The following C16orf54 variants were observed in gnomAD, a reference collection of about 807,000 sequenced individuals.
C16orf54 encodes the protein chromosome 16 open reading frame 54.
C16orf54 carries 2 observed loss-of-function variants against 3.9 expected under a neutral mutation model. That is an observed-to-expected ratio of 0.52 (90% CI 0.21 to 1.63). The LOEUF (loss-of-function observed/expected upper bound fraction) is 1.63. C16orf54 is among the 40% of genes most tolerant of loss of function. The pLI is 0.21. For synonymous variants in C16orf54, 128 were observed against 135.1 expected (o/e 0.95, Z 0.37); for missense variants, 272 against 326.3 (o/e 0.83, Z 1.28).
At chr16:29,745,749 G>C (rs548460132) in intron 1 of C16orf54, among the ~76,000 whole-genome samples, 162 bp downstream of exon 1, 1 of 151,892 alleles carries the variant, frequency 6.6e-6, no homozygotes, top group Non-Finnish European at 1.5e-5. Flanking sequence ...ATCTGCTGCC[G>C]GGCCGGGCCG....
rs1251571319 is a variant in C16orf54 at position 29,744,549 on chromosome 16, T to G, written c.403A>C (p.Ser135Arg). 1.8e-5 allele frequency: 27 copies of G among 1,495,132 alleles called. No individual in the cohort carries two copies. The highest frequency in any genetic ancestry group is 2.3e-5 in the Non-Finnish European group (26 of 1,123,294). 92.6% of individuals were successfully genotyped at this position (1,495,132 alleles called of 1,614,324 possible). The change falls in exon 2 of 2, where the codon AGC becomes CGC. Residue 135 changes from serine (S) to arginine (R), a missense_variant. Transcript: ENST00000329410. This position sits in a 1 kb window ranked among gnomAD's most constrained non-coding sequence, Gnocchi z 7.1. ...PAPSAPNSAP[S>R]NLGPQTVLEV... The stretch of plus-strand genomic sequence containing the variant: ...AGTACGGTCTGGGGGCCCAAGTTGC[T>G]GGGAGCAGAATTTGGGGCTGAGGGG...
In C16orf54 at chr16:29,744,297, G is replaced by A. The variant is rs774614027; in HGVS notation, c.655C>T (p.Arg219Trp). 6.2e-6 allele frequency: 10 copies of A among 1,612,928 alleles called. No individual in the cohort carries two copies. The highest frequency in any genetic ancestry group is 2.7e-5 in the African/African-American group (2 of 75,056). Reference sequence around the variant, plus strand: ...GGGATTCAGAACCCCACACTGGTCCGGCCTTCACGCTTCCAGAAAGCTGAG... The same window carrying A: ...GGGATTCAGAACCCCACACTGGTCCAGCCTTCACGCTTCCAGAAAGCTGAG... ...QISAFWKREG[R>W]TSVGF Residue 219 changes from arginine (R) to tryptophan (W), a missense_variant, in exon 2 of 2, where the codon CGG (arginine) becomes TGG (tryptophan). Coordinates refer to ENST00000329410, the MANE Select transcript of C16orf54 (RefSeq NM_175900.4). The surrounding 1 kb of genome is among the most constrained non-coding windows in gnomAD (Gnocchi z 7.1).
At chr16:29,745,047 G>A (rs1342983130) in intron 1 of C16orf54, 96 bp from the exon 2 acceptor site, 5 of 1,256,026 alleles carry the variant, frequency 4.0e-6, no homozygotes, top group Non-Finnish European at 4.1e-6. Context: ...AAGCCTGGGA[G>A]AAGGGCTGGG....
chr16:29,744,493 C>A lies in C16orf54; in HGVS notation c.459G>T (p.Gly153=), dbSNP rs764532004. The A allele has an allele frequency of 9.1e-6, 14 of 1,542,912 alleles. No homozygotes were observed. The highest frequency in any genetic ancestry group is 7.2e-5 in the South Asian group (6 of 83,640). Residue 153 remains glycine, a synonymous_variant, in exon 2 of 2, where the codon GGG becomes GGT. Coordinates refer to ENST00000329410, the MANE Select transcript of C16orf54 (RefSeq NM_175900.4). This position sits in a 1 kb window ranked among gnomAD's most constrained non-coding sequence, Gnocchi z 7.1. ...LEVPARSTFW[G]PQPWEGRPPA... ...GGGGCCTCCCCTCCCAGGGCTGGGG[C>A]CCCCAGAAGGTGCTCCGGGCTGGGA... is the stretch of plus-strand genomic sequence containing the variant.
chr16:29,745,745 T>TGCCGGGCCGG (rs551766880), intron 1 of C16orf54, among the ~76,000 whole-genome samples, 166 bp downstream of exon 1: 2 of 152,208 alleles, frequency 1.3e-5, no homozygotes, highest in South Asian at 4.2e-4. Flanking sequence ...CGGAATCTGC[T>TGCCGGGCCGG]GCCGGGCCGG....
chr16:29,745,758 C>T (rs1408109655), intron 1 of C16orf54, among the ~76,000 whole-genome samples, 153 bp downstream of exon 1: 1 of 152,124 alleles, frequency 6.6e-6, no homozygotes, highest in Admixed American at 6.5e-5. Flanking sequence ...CGGGCCGGGC[C>T]GGGCCAGGCC....
rs931587528 is a variant in C16orf54, at chr16:29,742,708, ACT to A, written c.*1567_*1568del. On this transcript the variant is annotated 3_prime_UTR_variant, in exon 2 of 2. Coordinates refer to ENST00000329410, the MANE Select transcript of C16orf54 (RefSeq NM_175900.4). ...GGTGGCTCATGGCTGTAATCCCAAC[ACT>A]CTGAGAGATGGGGATGAGTGGCTCT... is the stretch of plus-strand genomic sequence containing the variant. The A allele has an allele frequency of 6.6e-6, 1 of 151,566 alleles. No homozygotes were observed. The highest frequency in any genetic ancestry group is 1.5e-5 in the Non-Finnish European group (1 of 67,920). 9.4% of individuals were successfully genotyped at this position (151,566 alleles called of 1,614,324 possible).
In C16orf54 at chr16:29,742,577, TGA is replaced by T. The variant is rs1465784751; in HGVS notation, c.*1698_*1699del. ...TTCCTGTTGCAATAATTTCATTAAG[TGA>T]ATAATGAGCCAATTTAAAGAAAAAT... On this transcript the variant is annotated 3_prime_UTR_variant, in exon 2 of 2. Coordinates refer to ENST00000329410, the MANE Select transcript of C16orf54 (RefSeq NM_175900.4). The T allele has an allele frequency of 6.6e-6, 1 of 152,208 alleles. No homozygotes were observed. Among genetic ancestry groups the T allele is most frequent in the African/African-American group, 2.4e-5 (1 of 41,442 alleles). 9.4% of individuals were successfully genotyped at this position (152,208 alleles called of 1,614,324 possible).
chr16:29,743,074 G>C lies in C16orf54; in HGVS notation c.*1203C>G, dbSNP rs1462991855. The C allele has an allele frequency of 6.6e-6, 1 of 151,568 alleles. No individual in the cohort carries two copies. Among genetic ancestry groups the C allele is most frequent in the Non-Finnish European group, 1.5e-5 (1 of 67,934 alleles). The allele number at this position is 151,568 out of a possible 1,614,324, so 9.4% of individuals were successfully genotyped here. ...CCTGCCCAGGCAGTATGGTGAGACC[G>C]TGTCTCTACAAAAAAAATACAAAAA... On this transcript the variant is annotated 3_prime_UTR_variant, in exon 2 of 2. Transcript: ENST00000329410.
chr16:29,744,399 G>T lies in C16orf54; in HGVS notation c.553C>A (p.Pro185Thr). ...CCTGGCCGCTGCCTCCTGGCCTGGG[G>T]GCTCCCAAACTGGACGCTGGCCTCT... ...RPEASVQFGS[P>T]QARRQRPGSP... is the part of the protein sequence containing the mutation. Residue 185 changes from proline to threonine, a missense_variant, in exon 2 of 2, where the codon CCC becomes ACC. Pro to Thr is a conservative substitution (Grantham distance 38). Coordinates refer to ENST00000329410, the MANE Select transcript of C16orf54 (RefSeq NM_175900.4). This position sits in a 1 kb window ranked among gnomAD's most constrained non-coding sequence, Gnocchi z 7.1. 1 of 1,602,886 alleles carries T rather than the reference G, an allele frequency of 6.2e-7. No homozygotes were observed. Among genetic ancestry groups the T allele is most frequent in the East Asian group, 2.2e-5 (1 of 44,476 alleles).
In C16orf54 at chr16:29,744,232, C is replaced by A. The variant is rs1968104979; in HGVS notation, c.*45G>T. On this transcript the variant is annotated 3_prime_UTR_variant, in exon 2 of 2. Coordinates refer to ENST00000329410, the MANE Select transcript of C16orf54 (RefSeq NM_175900.4). This position sits in a 1 kb window ranked among gnomAD's most constrained non-coding sequence, Gnocchi z 7.1. The stretch of plus-strand genomic sequence containing the variant: ...CTGGATCCTGGGGTCCCCGGTCCCA[C>A]TGAGGCAAGGCCTGCCTCGGGGATC... The A allele has an allele frequency of 6.4e-7, 1 of 1,569,556 alleles. No individual in the cohort carries two copies. Among genetic ancestry groups the A allele is most frequent in the Non-Finnish European group, 8.7e-7 (1 of 1,146,528 alleles).
rs1411151853 is a variant in C16orf54 at position 29,744,832 on chromosome 16, G to T, written c.120C>A (p.Thr40=). ...PCIPIMLVLA[T]LAALFILTTA... ...TGGTGAGGATGAAGAGCGCAGCCAG[G>T]GTGGCCAGGACCAGCATGATGGGGA... The change falls in exon 2 of 2, where the codon ACC becomes ACA. Residue 40 remains threonine, a synonymous_variant. Coordinates refer to ENST00000329410, the MANE Select transcript of C16orf54 (RefSeq NM_175900.4). This position sits in a 1 kb window ranked among gnomAD's most constrained non-coding sequence, Gnocchi z 7.1. 13 of 1,479,420 alleles carry T rather than the reference G, an allele frequency of 8.8e-6. No homozygotes were observed. The highest frequency in any genetic ancestry group is 1.4e-5 in the African/African-American group (1 of 70,030). 91.6% of individuals were successfully genotyped at this position (1,479,420 alleles called of 1,614,324 possible). A position where few individuals can be genotyped will look rare whatever the true frequency, so the allele number is the denominator to read the frequency against.
Position 29,744,246 on chromosome 16 carries a change from G to A in C16orf54, c.*31C>T. The A allele has an allele frequency of 3.1e-6, 5 of 1,596,370 alleles. No individual in the cohort carries two copies. Among genetic ancestry groups the A allele is most frequent in the Non-Finnish European group, 4.3e-6 (5 of 1,166,960 alleles). ...CCCCGGTCCCACTGAGGCAAGGCCT[G>A]CCTCGGGGATCTCTGGGGAACCCTG... On this transcript the variant is annotated 3_prime_UTR_variant, in exon 2 of 2. Transcript: ENST00000329410. The surrounding 1 kb of genome is among the most constrained non-coding windows in gnomAD (Gnocchi z 7.1).
At position 29,744,572 on chromosome 16, in the gene C16orf54, G is replaced by A. The variant is rs1464839032; in HGVS notation, c.380C>T (p.Pro127Leu). The A allele has an allele frequency of 6.8e-7, 1 of 1,476,104 alleles. No individual in the cohort carries two copies. 91.4% of individuals were successfully genotyped at this position (1,476,104 alleles called of 1,614,324 possible). ...GCTGGGAGCAGAATTTGGGGCTGAG[G>A]GGGCAGGTGGGGCTGTTGCTCGGGC... ...LEARATAPPA[P>L]SAPNSAPSNL... Residue 127 changes from proline (P) to leucine (L), a missense_variant, in exon 2 of 2, where the codon CCC becomes CTC. By Grantham distance (98) the Pro-to-Leu change is moderately conservative. Transcript: ENST00000329410. The surrounding 1 kb of genome is among the most constrained non-coding windows in gnomAD (Gnocchi z 7.1).
rs369694968 is a variant in C16orf54 at position 29,744,798 on chromosome 16, A to G, written c.154T>C (p.Leu52=). 2.7e-6 allele frequency: 4 copies of G among 1,471,212 alleles called. No individual in the cohort carries two copies. Among genetic ancestry groups the G allele is most frequent in the African/African-American group, 1.4e-5 (1 of 70,272 alleles). 91.1% of individuals were successfully genotyped at this position (1,471,212 alleles called of 1,614,324 possible). A position where few individuals can be genotyped will look rare whatever the true frequency, so the allele number is the denominator to read the frequency against. ...AALFILTTAV[L]AERLFRRALR... ...GCACGGCGGAACAGGCGTTCAGCCA[A>G]CACAGCGGTGGTGAGGATGAAGAGC... The change falls in exon 2 of 2, where the codon TTG becomes CTG. Residue 52 remains leucine (L), a synonymous_variant. Coordinates refer to ENST00000329410, the MANE Select transcript of C16orf54 (RefSeq NM_175900.4). The surrounding 1 kb of genome is among the most constrained non-coding windows in gnomAD (Gnocchi z 7.1).
Position 29,744,918 on chromosome 16 carries a change from C to A in C16orf54, c.34G>T (p.Val12Leu). 3 of 1,465,298 alleles carry A rather than the reference C, an allele frequency of 2.0e-6. No homozygotes were observed. Among genetic ancestry groups the A allele is most frequent in the Non-Finnish European group, 2.7e-6 (3 of 1,110,926 alleles). The allele number at this position is 1,465,298 out of a possible 1,614,324, so 90.8% of individuals were successfully genotyped here. A position where few individuals can be genotyped will look rare whatever the true frequency, so the allele number is the denominator to read the frequency against. ...PLTPEPPSGR[V>L]EGPPAWEAAP... is the part of the protein sequence containing the mutation. ...GCTTCCCATGCGGGGGGCCCCTCCA[C>A]GCGCCCAGAGGGCGGCTCTGGAGTC... The change falls in exon 2 of 2, where the codon GTG becomes TTG. Residue 12 changes from valine (V) to leucine (L), a missense_variant. Coordinates refer to ENST00000329410, the MANE Select transcript of C16orf54 (RefSeq NM_175900.4). This position sits in a 1 kb window ranked among gnomAD's most constrained non-coding sequence, Gnocchi z 7.1.
intron 1 of C16orf54, 108 bp from the exon 2 acceptor site, chr16:29,745,059 A>T (rs1337862759): frequency 1.7e-6 from 2 of 1,172,380 alleles, no homozygotes; most frequent in Admixed American, 4.0e-5. Flanking sequence ...AGGGCTGGGC[A>T]TGGGGGCTCA....
rs569664910 is a variant in C16orf54, at chr16:29,743,873, C to T, written c.*404G>A. Reference sequence around the variant, plus strand: ...CCTGTCATCTCCTGCCAGCTGTCATCGCCACACCGAGGCTGTTCAGCACCG... The same window carrying T: ...CCTGTCATCTCCTGCCAGCTGTCATTGCCACACCGAGGCTGTTCAGCACCG... On this transcript the variant is annotated 3_prime_UTR_variant, in exon 2 of 2. Transcript: ENST00000329410. The T allele has an allele frequency of 6.3e-4, 133 of 209,808 alleles. No individual in the cohort carries two copies. The highest frequency in any genetic ancestry group is 2.5e-3 in the African/African-American group (108 of 42,392). 13.0% of individuals were successfully genotyped at this position (209,808 alleles called of 1,614,324 possible). A position where few individuals can be genotyped will look rare whatever the true frequency, so the allele number is the denominator to read the frequency against.
intron 1 of C16orf54, among the ~76,000 whole-genome samples, chr16:29,745,629 G>A (rs9925082): frequency 0.018 from 2,733 of 152,228 alleles, 80 homozygotes; most frequent in African/African-American, 0.062. Context: ...TGGCTCCCCT[G>A]CGTGTGTCTC....
Sources: allele counts gnomAD v4.1 joint callset (sites outside exome capture counted in the v4.1 genomes callset), GRCh38; gene constraint gnomAD v4.1.1; non-coding constraint Gnocchi (gnomAD v3.1); transcripts MANE v1.5; gene names NCBI Gene and HGNC (gene_info 2026-07-23, HGNC 2026-07-21).